Variants in IMMP2L observed in about 807,000 individuals in gnomAD.
IMMP2L encodes inner mitochondrial membrane peptidase subunit 2.
In IMMP2L, 18 loss-of-function variants were observed where a neutral mutation model predicts 19.3. The ratio of observed to expected loss-of-function variants is 0.93; its 90% CI spans 0.64 to 1.38. The LOEUF is 1.38. Ranked by LOEUF, IMMP2L falls within the 40% of genes most tolerant of loss-of-function variation. The probability of loss-of-function intolerance (pLI) is 0.00; values close to 1 mark genes in which losing one functional copy is unlikely to be tolerated. For missense variants in IMMP2L, 233 were observed against 218.2 expected (o/e 1.07, Z -0.43); for synonymous variants, 76 against 73.0 (o/e 1.04, Z -0.21).
intron 3 of IMMP2L, among the ~76,000 whole-genome samples, chr7:111,479,345 T>G (rs530943119): frequency 2.0e-5 from 3 of 152,312 alleles, no homozygotes; most frequent in African/African-American, 7.2e-5. Flanking sequence ...TAATCCAGTT[T>G]TTTTCATTAT....
At chr7:110,791,652 T>C (rs1584842311) in intron 5 of IMMP2L, among the ~76,000 whole-genome samples, 1 of 151,834 alleles carries the variant, frequency 6.6e-6, no homozygotes, top group East Asian at 1.9e-4. Context: ...ACTAATAAAG[T>C]TGATCAAAGA....
At chr7:110,730,293 C>T (rs890662161) in intron 5 of IMMP2L, among the ~76,000 whole-genome samples, 8 of 152,104 alleles carry the variant, frequency 5.3e-5, no homozygotes, top group African/African-American at 1.7e-4. Context: ...ATAAAGCAGG[C>T]AGAAGACAAT....
At chr7:111,468,610 C>T (rs1342628515) in intron 3 of IMMP2L, among the ~76,000 whole-genome samples, 1 of 152,000 alleles carries the variant, frequency 6.6e-6, no homozygotes, top group Non-Finnish European at 1.5e-5. Context: ...ATGGAATCAG[C>T]AGAAGTTCTA....
chr7:110,972,905 TATC>T (rs1345996895), intron 3 of IMMP2L, among the ~76,000 whole-genome samples: 1 of 152,126 alleles, frequency 6.6e-6, no homozygotes, highest in Non-Finnish European at 1.5e-5. Flanking sequence ...AAAGTTTGGT[TATC>T]ATGCTGTTAC....
intron 1 of IMMP2L, among the ~76,000 whole-genome samples, chr7:111,540,584 C>T (rs1232973829): frequency 6.6e-6 from 1 of 152,128 alleles, no homozygotes; most frequent in Non-Finnish European, 1.5e-5. Flanking sequence ...CTTCCAAACT[C>T]CTCTGGCATT....
intron 3 of IMMP2L, among the ~76,000 whole-genome samples, chr7:111,016,787 A>T (rs1475192188): frequency 4.8e-5 from 4 of 82,906 alleles, no homozygotes; most frequent in African/African-American, 1.9e-4. Flanking sequence ...TATAATATAT[A>T]CTATATAATA....
At chr7:111,097,317 C>G (rs1330839360) in intron 3 of IMMP2L, 1 of 151,840 alleles carries the variant, frequency 6.6e-6, no homozygotes, top group Non-Finnish European at 1.5e-5. Flanking sequence ...ACAACACTTA[C>G]AAGTGACATG....
At chr7:111,326,347 C>A (rs1825314891) in intron 3 of IMMP2L, among the ~76,000 whole-genome samples, 1 of 151,524 alleles carries the variant, frequency 6.6e-6, no homozygotes. Context: ...TTGATCAATA[C>A]CAAAGATTAT....
intron 3 of IMMP2L, among the ~76,000 whole-genome samples, chr7:111,252,039 AAAAG>A (rs1302791474): frequency 1.3e-5 from 2 of 152,146 alleles, no homozygotes; most frequent in Non-Finnish European, 2.9e-5. Context: ...TGAACAGAAA[AAAAG>A]AAACAGATTT....
chr7:111,365,941 G>A (rs1829718090), intron 3 of IMMP2L, among the ~76,000 whole-genome samples: 1 of 152,098 alleles, frequency 6.6e-6, no homozygotes, highest in Non-Finnish European at 1.5e-5. Flanking sequence ...AGAAGGAAAT[G>A]AGGAAGAAGG....
At chr7:110,791,684 A>G (rs1033542810) in intron 5 of IMMP2L, among the ~76,000 whole-genome samples, 1 of 151,790 alleles carries the variant, frequency 6.6e-6, no homozygotes, top group East Asian at 1.9e-4. Context: ...AGGTACCACC[A>G]CAGTAAGCCC....
chr7:111,051,436 G>C (rs1462904247), intron 3 of IMMP2L, among the ~76,000 whole-genome samples: 1 of 152,096 alleles, frequency 6.6e-6, no homozygotes, highest in African/African-American at 2.4e-5. Flanking sequence ...TTTGTTCTGT[G>C]TCCTCTGAAG....
intron 3 of IMMP2L, among the ~76,000 whole-genome samples, chr7:111,368,117 T>A (rs1182625560): frequency 6.6e-6 from 1 of 151,860 alleles, no homozygotes; most frequent in Non-Finnish European, 1.5e-5. Context: ...TATGCTTATA[T>A]GGAAAATGCT....
intron 3 of IMMP2L, among the ~76,000 whole-genome samples, chr7:111,461,147 T>C (rs147462284): frequency 1.3e-5 from 2 of 152,224 alleles, no homozygotes; most frequent in African/African-American, 4.8e-5. Context: ...ATAATTCTGT[T>C]AGGAACTTAT....
intron 3 of IMMP2L, among the ~76,000 whole-genome samples, chr7:111,035,198 G>T (rs1467333299): frequency 1.3e-5 from 2 of 152,122 alleles, no homozygotes; most frequent in Non-Finnish European, 2.9e-5. Flanking sequence ...ACTTCATTCT[G>T]CATTTTCTAC....
At chr7:111,281,089 AG>A (rs1335531359) in intron 3 of IMMP2L, among the ~76,000 whole-genome samples, 9 of 22,652 alleles carry the variant, frequency 4.0e-4, no homozygotes, top group African/African-American at 2.2e-3. Context: ...AGAAGGAAAG[AG>A]AGAGAAAGAG....
At chr7:110,776,419 C>T (rs1378679549) in intron 5 of IMMP2L, among the ~76,000 whole-genome samples, 1 of 151,984 alleles carries the variant, frequency 6.6e-6, no homozygotes. Flanking sequence ...AAATAGCACA[C>T]TAGGTCTCGA....
At chr7:110,897,089 C>A (rs185890482) in intron 4 of IMMP2L, among the ~76,000 whole-genome samples, 9 of 152,112 alleles carry the variant, frequency 5.9e-5, no homozygotes, top group African/African-American at 2.2e-4. Flanking sequence ...AATCTGGAAG[C>A]TACATGTATA....
chr7:111,013,822 T>C (rs1825219815), intron 3 of IMMP2L, among the ~76,000 whole-genome samples: 1 of 152,110 alleles, frequency 6.6e-6, no homozygotes, highest in African/African-American at 2.4e-5. Flanking sequence ...AGTAGACTGC[T>C]TATTTTTTTT....
Sources: allele counts gnomAD v4.1 joint callset (sites outside exome capture counted in the v4.1 genomes callset), GRCh38; gene constraint gnomAD v4.1.1; transcripts MANE v1.5; gene names NCBI Gene and HGNC (gene_info 2026-07-23, HGNC 2026-07-21).